CADM1: variants seen among roughly 807,000 people sequenced by gnomAD.
CADM1 encodes TSLC-1.
In CADM1, 15 loss-of-function variants were observed where a neutral mutation model predicts 53.1. The observed-to-expected ratio is 0.28, with a 90% CI of 0.19 to 0.44. The LOEUF (loss-of-function observed/expected upper bound fraction) is 0.44. Ranked by LOEUF, CADM1 falls within the 20% of genes least tolerant of loss-of-function variation. The pLI, the probability that CADM1 is intolerant of heterozygous loss-of-function variation, is 1.00. For missense variants in CADM1, 434 were observed against 611.3 expected (o/e 0.71, Z 3.06); for synonymous variants, 281 against 243.0 (o/e 1.16, Z -1.45).
At chr11:115,449,835 G>A (rs534881531) in intron 1 of CADM1, among the ~76,000 whole-genome samples, 1 of 152,100 alleles carries the variant, frequency 6.6e-6, no homozygotes, top group Admixed American at 6.6e-5. Flanking sequence ...ATATATTATA[G>A]TGACATACAC....
chr11:115,355,476 T>C (rs1434919727), intron 1 of CADM1, among the ~76,000 whole-genome samples: 2 of 152,054 alleles, frequency 1.3e-5, no homozygotes, highest in African/African-American at 4.8e-5. Flanking sequence ...GGGTAGAGGC[T>C]GGGAGGAGGC....
intron 8 of CADM1, among the ~76,000 whole-genome samples, chr11:115,208,387 T>A (rs1304848652): frequency 6.6e-6 from 1 of 152,192 alleles, no homozygotes; most frequent in Non-Finnish European, 1.5e-5. Flanking sequence ...CTTTGAACAC[T>A]CTGAATTTTC....
chr11:115,432,280 G>C (rs1332805370), intron 1 of CADM1, among the ~76,000 whole-genome samples: 2 of 152,074 alleles, frequency 1.3e-5, no homozygotes, highest in Non-Finnish European at 2.9e-5. Context: ...TGACCATAAG[G>C]AGCATGAGGG....
intron 1 of CADM1, among the ~76,000 whole-genome samples, chr11:115,259,829 C>T (rs375064046): frequency 7.2e-5 from 11 of 152,336 alleles, no homozygotes; most frequent in East Asian, 5.8e-4. Context: ...TAACTCCTGG[C>T]TCCATGCCCT....
intron 1 of CADM1, among the ~76,000 whole-genome samples, chr11:115,298,852 G>T (rs925054981): frequency 6.6e-6 from 1 of 152,108 alleles, no homozygotes; most frequent in Non-Finnish European, 1.5e-5. Flanking sequence ...GGTTACAGTG[G>T]TTCTCTCTGC....
chr11:115,458,788 T>A (rs987771573), intron 1 of CADM1, among the ~76,000 whole-genome samples: 2 of 152,074 alleles, frequency 1.3e-5, no homozygotes, highest in Non-Finnish European at 2.9e-5. Flanking sequence ...CAGAATCAGA[T>A]AAAAGACTAG....
chr11:115,434,730 G>C (rs1454841581), intron 1 of CADM1, among the ~76,000 whole-genome samples: 1 of 151,962 alleles, frequency 6.6e-6, no homozygotes, highest in Non-Finnish European at 1.5e-5. Flanking sequence ...CACTCTTCAG[G>C]CCACTGAGAA....
chr11:115,204,722 A>C (rs1005603624), intron 8 of CADM1, among the ~76,000 whole-genome samples: 1 of 152,152 alleles, frequency 6.6e-6, no homozygotes, highest in Non-Finnish European at 1.5e-5. Context: ...AAGTTTCCCC[A>C]CTTGGGCATA....
chr11:115,208,070 G>T (rs1168865700), intron 8 of CADM1, among the ~76,000 whole-genome samples: 3 of 152,162 alleles, frequency 2.0e-5, no homozygotes, highest in African/African-American at 7.2e-5. Context: ...CAATTCACTA[G>T]GTCAACAAAC....
At chr11:115,231,128 G>A (rs1941797857) in intron 4 of CADM1, among the ~76,000 whole-genome samples, 1 of 152,178 alleles carries the variant, frequency 6.6e-6, no homozygotes, top group Non-Finnish European at 1.5e-5. Context: ...TGAGTAGAGC[G>A]ACAGCTATCA....
intron 1 of CADM1, among the ~76,000 whole-genome samples, chr11:115,419,484 C>T (rs944648102): frequency 3.9e-5 from 6 of 152,138 alleles, no homozygotes; most frequent in Admixed American, 1.3e-4. Flanking sequence ...AGACATAATC[C>T]TTTTGAGTCT....
intron 1 of CADM1, among the ~76,000 whole-genome samples, chr11:115,310,162 T>C (rs959027387): frequency 2.6e-5 from 4 of 152,112 alleles, no homozygotes; most frequent in African/African-American, 9.7e-5. Flanking sequence ...GGAAACATAT[T>C]CATAAGTAAA....
chr11:115,351,212 T>C (rs1019623166), intron 1 of CADM1, among the ~76,000 whole-genome samples: 1 of 152,324 alleles, frequency 6.6e-6, no homozygotes, highest in African/African-American at 2.4e-5. Context: ...TCCACCATGT[T>C]TGCAATTTCC....
chr11:115,469,246 T>C (rs1948957797), intron 1 of CADM1, among the ~76,000 whole-genome samples: 1 of 152,198 alleles, frequency 6.6e-6, no homozygotes, highest in African/African-American at 2.4e-5. Flanking sequence ...CACTCCTCTA[T>C]AAAAAATAAT....
chr11:115,184,859 G>C (rs1417337024), intron 10 of CADM1, among the ~76,000 whole-genome samples: 1 of 152,188 alleles, frequency 6.6e-6, no homozygotes, highest in East Asian at 1.9e-4. Flanking sequence ...CTACTCAAAT[G>C]ATCAGGACTC....
chr11:115,254,599 C>A (rs1174443706), intron 1 of CADM1, among the ~76,000 whole-genome samples: 2 of 142,430 alleles, frequency 1.4e-5, no homozygotes, highest in East Asian at 2.0e-4. Flanking sequence ...CACACAGAGA[C>A]AACAAACGCA....
At chr11:115,485,774 C>T (rs562608613) in intron 1 of CADM1, among the ~76,000 whole-genome samples, 1 of 152,130 alleles carries the variant, frequency 6.6e-6, no homozygotes, top group African/African-American at 2.4e-5. Context: ...ATGTCTTTAC[C>T]AGCAGTGTGA....
At chr11:115,401,016 CTT>C (rs1947139233) in intron 1 of CADM1, among the ~76,000 whole-genome samples, 1 of 152,048 alleles carries the variant, frequency 6.6e-6, no homozygotes, top group South Asian at 2.1e-4. Context: ...GAGTTGAAAA[CTT>C]ATGTCCACAC....
chr11:115,346,506 A>G (rs970308182), intron 1 of CADM1, among the ~76,000 whole-genome samples: 18 of 152,098 alleles, frequency 1.2e-4, no homozygotes, highest in Non-Finnish European at 1.9e-4. Flanking sequence ...AGTGCTGGGA[A>G]TACAGGCTTG....
Sources: gnomAD v4.1 joint callset for allele counts (sites outside exome capture counted in the v4.1 genomes callset) on GRCh38, gnomAD v4.1.1 for gene constraint, MANE v1.5 for transcripts, NCBI Gene and HGNC (gene_info 2026-07-23, HGNC 2026-07-21) for gene names.